The following PTPRT variants were observed in gnomAD, a reference collection of about 807,000 sequenced individuals.
The protein encoded by PTPRT is protein tyrosine phosphatase receptor type T.
In PTPRT, 56 loss-of-function variants were observed where a neutral mutation model predicts 176.8. That is an observed-to-expected ratio of 0.32 (90% CI 0.26 to 0.40). PTPRT has a LOEUF of 0.40. PTPRT is among the 10% of genes least tolerant of loss of function. The probability of loss-of-function intolerance (pLI) is 1.00; values close to 1 mark genes in which losing one functional copy is unlikely to be tolerated. For synonymous variants in PTPRT, 783 were observed against 739.0 expected, an observed-to-expected ratio of 1.06 and a Z score of -0.96; for missense variants, 1,540 against 1,908.2, an observed-to-expected ratio of 0.81 and a Z score of 3.60.
At chr20:43,128,524 T>G (rs928625712) in intron 1 of PTPRT, among the ~76,000 whole-genome samples, 2 of 152,122 alleles carry the variant, frequency 1.3e-5, no homozygotes, top group Non-Finnish European at 2.9e-5. Flanking sequence ...GGCCCCAAAA[T>G]AGTCAGGTGA....
intron 7 of PTPRT, among the ~76,000 whole-genome samples, chr20:42,543,608 A>T (rs968711825): frequency 6.6e-6 from 1 of 151,914 alleles, no homozygotes; most frequent in Non-Finnish European, 1.5e-5. Flanking sequence ...CTCATGAATC[A>T]TGAATGTCCT....
intron 7 of PTPRT, among the ~76,000 whole-genome samples, chr20:42,640,905 C>T (rs1252901357): frequency 6.6e-6 from 1 of 152,100 alleles, no homozygotes; most frequent in Admixed American, 6.6e-5. Context: ...AACACAAACA[C>T]ATATTTTTAC....
At chr20:42,612,690 A>G (rs1428641939) in intron 7 of PTPRT, among the ~76,000 whole-genome samples, 2 of 152,116 alleles carry the variant, frequency 1.3e-5, no homozygotes, top group Non-Finnish European at 2.9e-5. Context: ...GCAACAGATT[A>G]TCATGCAAAC....
intron 12 of PTPRT, among the ~76,000 whole-genome samples, chr20:42,309,787 GGAT>G (rs2057599143): frequency 6.6e-6 from 1 of 152,098 alleles, no homozygotes; most frequent in Non-Finnish European, 1.5e-5. Context: ...TCAGCATGGA[GGAT>G]ATAGCAGCTA....
In PTPRT at chr20:42,932,794, C is replaced by T. The variant is rs140019229; in HGVS notation, c.89-46862G>A. On this transcript the variant is annotated intron_variant, in intron 1 of 30. Coordinates refer to ENST00000373187, the MANE Select transcript of PTPRT (RefSeq NM_007050.6). The stretch of plus-strand genomic sequence containing the variant: ...ACCTAGGTTACTTCTGAAACAACCG[C>T]TCCACCTTCACGACCTCCTCAACAG... 3.3e-4 allele frequency among the ~76,000 whole-genome samples: 51 copies of T among 152,346 alleles called. No individual in the cohort carries two copies. In the East Asian group the frequency reaches 4.8e-3, roughly 14 times the overall value.
At chr20:42,166,923 GA>G (rs796689949) in intron 16 of PTPRT, among the ~76,000 whole-genome samples, 8,454 of 139,062 alleles carry the variant, frequency 0.061, 702 homozygotes, top group African/African-American at 0.19. Context: ...CTCCATCTTA[GA>G]AAAAAAAAAA....
Position 42,364,405 on chromosome 20 carries a change from C to T in PTPRT, c.1561-12120G>A, listed in dbSNP as rs187704485. ...CATGTTGGAGACTACACCATCAATT[C>T]AATCCAGCAGAGTAGCATTTGTAAG... On this transcript the variant is annotated intron_variant, in intron 9 of 30. Coordinates refer to ENST00000373187, the MANE Select transcript of PTPRT (RefSeq NM_007050.6). Among the ~76,000 whole-genome samples, 64 of 152,300 alleles carry T rather than the reference C, an allele frequency of 4.2e-4. 1 individual carries two copies. Among genetic ancestry groups the T allele is most frequent in the Non-Finnish European group, 8.4e-4 (57 of 68,022 alleles).
At chr20:42,095,540 C>G (rs1985116732) in intron 27 of PTPRT, among the ~76,000 whole-genome samples, 1 of 152,200 alleles carries the variant, frequency 6.6e-6, no homozygotes, top group Non-Finnish European at 1.5e-5. Flanking sequence ...CAAATGTGTT[C>G]TTCTCCATAG....
chr20:43,129,315 G>A (rs2013562372), intron 1 of PTPRT, among the ~76,000 whole-genome samples: 1 of 152,158 alleles, frequency 6.6e-6, no homozygotes, highest in Non-Finnish European at 1.5e-5. Context: ...GCCCTGCAAA[G>A]GAGCACCAAG....
chr20:42,579,737 C>T (rs1283941831), intron 7 of PTPRT, among the ~76,000 whole-genome samples: 1 of 152,008 alleles, frequency 6.6e-6, no homozygotes, highest in Non-Finnish European at 1.5e-5. Context: ...TATCGTTTGC[C>T]CACTTGTTGA....
At chr20:42,199,153 C>T in intron 16 of PTPRT, 87 bp downstream of exon 16, 1 of 1,487,802 alleles carries the variant, frequency 6.7e-7, no homozygotes, top group African/African-American at 1.4e-5. Flanking sequence ...CCTGGCAGCA[C>T]CTGATCAATG....
At chr20:42,329,599 G>C (rs891710901) in intron 11 of PTPRT, among the ~76,000 whole-genome samples, 9 of 151,914 alleles carry the variant, frequency 5.9e-5, no homozygotes, top group Non-Finnish European at 1.3e-4. Flanking sequence ...CAACTACTTG[G>C]AGAAACAAAA....
chr20:42,624,008 C>CAAAAAAAAAAAAA (rs2074247421), intron 7 of PTPRT, among the ~76,000 whole-genome samples: 1 of 116,664 alleles, frequency 8.6e-6, no homozygotes, highest in African/African-American at 3.5e-5. Flanking sequence ...ACAATAGCAA[C>CAAAAAAAAAAAAA]AAACAAACAA....
At chr20:42,852,838 C>A (rs893511947) in intron 2 of PTPRT, among the ~76,000 whole-genome samples, 2 of 152,090 alleles carry the variant, frequency 1.3e-5, no homozygotes, top group Non-Finnish European at 1.5e-5. Flanking sequence ...CTGCAGAAAC[C>A]CACTGGGAAA....
At position 42,191,047 on chromosome 20, in the gene PTPRT, C is replaced by T. The variant is rs74814140; in HGVS notation, c.2491+8193G>A. 2.7e-3 allele frequency among the ~76,000 whole-genome samples: 406 copies of T among 152,090 alleles called. 4 individuals are homozygous for T. Among genetic ancestry groups the T allele is most frequent in the African/African-American group, 8.3e-3 (345 of 41,480 alleles). On this transcript the variant is annotated intron_variant, in intron 16 of 30. Transcript: ENST00000373187. ...CTTATACAATATAAAACACTCAGCA[C>T]GTAAATGGGCATATAATTAATGCTC...
intron 13 of PTPRT, among the ~76,000 whole-genome samples, chr20:42,252,579 G>T (rs561397003): frequency 6.6e-6 from 1 of 152,328 alleles, no homozygotes; most frequent in Non-Finnish European, 1.5e-5. Context: ...TTTCAAAAAG[G>T]AGGGCATGAT....
chr20:42,180,802 TCTTA>T (rs973520830), intron 16 of PTPRT, among the ~76,000 whole-genome samples: 1 of 152,212 alleles, frequency 6.6e-6, no homozygotes, highest in Non-Finnish European at 1.5e-5. Flanking sequence ...TATGCCATCC[TCTTA>T]CTTAGTGGCT....
At chr20:42,556,570 T>C (rs1434887657) in intron 7 of PTPRT, among the ~76,000 whole-genome samples, 1 of 151,668 alleles carries the variant, frequency 6.6e-6, no homozygotes, top group African/African-American at 2.4e-5. Context: ...ATATCCCCTA[T>C]CTATAATAGA....
chr20:42,317,590 G>A (rs940446042), intron 11 of PTPRT, among the ~76,000 whole-genome samples: 5 of 152,108 alleles, frequency 3.3e-5, no homozygotes, highest in Non-Finnish European at 5.9e-5. Context: ...AAAATGAAAC[G>A]TGTTGCAGGC....
Sources: allele counts gnomAD v4.1 joint callset (sites outside exome capture counted in the v4.1 genomes callset), GRCh38; gene constraint gnomAD v4.1.1; transcripts MANE v1.5; gene names NCBI Gene and HGNC (gene_info 2026-07-23, HGNC 2026-07-21).